HK2: variants seen among roughly 807,000 people sequenced by gnomAD.
The protein encoded by HK2 is hexokinase 2, also known as hexokinase-2.
HK2 carries 42 observed loss-of-function variants against 92.9 expected under a neutral mutation model. The observed-to-expected ratio is 0.45, with a 90% CI of 0.35 to 0.58. The LOEUF is 0.58. Ranked by LOEUF, HK2 falls within the 20% of genes least tolerant of loss-of-function variation. HK2 has a pLI of 0.00. For synonymous variants in HK2, 422 were observed against 468.0 expected (o/e 0.90, Z 1.27); for missense variants, 978 against 1,245.1 (o/e 0.79, Z 3.23).
intron 1 of HK2, among the ~76,000 whole-genome samples, chr2:74,838,035 G>C (rs1368164128): frequency 1.3e-5 from 2 of 152,040 alleles, no homozygotes; most frequent in African/African-American, 4.8e-5. Context: ...ACCCCTTCCA[G>C]CTCAAATGCA....
chr2:74,876,333 G>T (rs185549517), intron 7 of HK2, among the ~76,000 whole-genome samples: 83 of 152,314 alleles, frequency 5.4e-4, no homozygotes, highest in South Asian at 1.9e-3. Flanking sequence ...GCAGGCCCAT[G>T]TGCCTCCTCT....
Position 74,834,671 on chromosome 2 carries a change from C to T in HK2, c.63+28C>T, listed in dbSNP as rs1344163449. 5 of 1,611,652 alleles carry T rather than the reference C, an allele frequency of 3.1e-6. No individual in the cohort carries two copies. The Admixed American group carries it at 6.7e-5, about 21-fold the overall frequency. On this transcript the variant is annotated intron_variant, in intron 1 of 17. Coordinates refer to ENST00000290573, the MANE Select transcript of HK2 (RefSeq NM_000189.5). The surrounding 1 kb of genome is among the most constrained non-coding windows in gnomAD (Gnocchi z 4.2). ...AAGTCAGCGCGGGCGGGGCGGCAGGCTGGGCTCTGGCAAAGTGGTCTGGCC... is the reference window on the plus strand; with the variant it reads ...AAGTCAGCGCGGGCGGGGCGGCAGGTTGGGCTCTGGCAAAGTGGTCTGGCC...
Position 74,873,839 on chromosome 2 carries a change from C to T in HK2, c.592-5C>T, listed in dbSNP as rs1689159614. 3 of 1,611,668 alleles carry T rather than the reference C, an allele frequency of 1.9e-6. No individual in the cohort carries two copies. Among genetic ancestry groups the T allele is most frequent in the African/African-American group, 2.7e-5 (2 of 74,818 alleles). On this transcript the variant is annotated splice_region_variant and splice_polypyrimidine_tract_variant and intron_variant, in intron 5 of 17. Coordinates refer to ENST00000290573, the MANE Select transcript of HK2 (RefSeq NM_000189.5). Reference sequence around the variant, plus strand: ...AGGTCAGAGCCCTCCCATTTGTCTCCACAGGACTTTGATATCGACATTGTG... The same window carrying T: ...AGGTCAGAGCCCTCCCATTTGTCTCTACAGGACTTTGATATCGACATTGTG...
At chr2:74,874,104 G>A (rs1689165755) in intron 6 of HK2, among the ~76,000 whole-genome samples, 161 bp downstream of exon 6, 1 of 152,170 alleles carries the variant, frequency 6.6e-6, no homozygotes, top group South Asian at 2.1e-4. Flanking sequence ...CATGGAGTTG[G>A]GGGTGGCAGA....
At chr2:74,873,483 T>A in intron 5 of HK2, 112 bp downstream of exon 5, 1 of 730,994 alleles carries the variant, frequency 1.4e-6, no homozygotes, top group Non-Finnish European at 2.4e-6. Context: ...TTAAGGAGAG[T>A]TCTCTTTTCC....
At chr2:74,881,132 G>T (rs969504599) in intron 10 of HK2, among the ~76,000 whole-genome samples, 1 of 152,230 alleles carries the variant, frequency 6.6e-6, no homozygotes, top group Non-Finnish European at 1.5e-5. Context: ...CACTGTCTTG[G>T]CAAAGTTGAG....
chr2:74,861,716 A>AT (rs1688832085), intron 2 of HK2, among the ~76,000 whole-genome samples: 2 of 152,278 alleles, frequency 1.3e-5, no homozygotes, highest in South Asian at 4.1e-4. Context: ...AAATCAGATG[A>AT]TTATCTTTTT....
At chr2:74,853,871 G>T (rs752657302) in intron 1 of HK2, among the ~76,000 whole-genome samples, 1 of 152,124 alleles carries the variant, frequency 6.6e-6, no homozygotes, top group Non-Finnish European at 1.5e-5. Context: ...GATTGTAGGC[G>T]TCCGGGAAAA....
At position 74,855,364 on chromosome 2, in the gene HK2, T is replaced by C. The variant is rs543686674; in HGVS notation, c.226+909T>C. On this transcript the variant is annotated intron_variant, in intron 2 of 17. Transcript: ENST00000290573. ...TATTAAGCTTTGTTTAATCATCTTA[T>C]TTGGATACAGAGTACTTTTTTTTGA... Among the ~76,000 whole-genome samples the C allele has an allele frequency of 2.0e-5, 3 of 152,330 alleles. No individual in the cohort carries two copies. In the South Asian group the frequency reaches 6.2e-4, roughly 32 times the overall value.
chr2:74,879,542 T>C lies in HK2; in HGVS notation c.1265+621T>C, dbSNP rs28363031. ...TCTTCCTACCCAGTGTTGCAAAAAC[T>C]CGAGTGTGCACGTGAATCACATGGG... On this transcript the variant is annotated intron_variant, in intron 9 of 17. Coordinates refer to ENST00000290573, the MANE Select transcript of HK2 (RefSeq NM_000189.5). 9.7e-3 allele frequency among the ~76,000 whole-genome samples: 1,473 copies of C among 152,306 alleles called. 18 individuals carry two copies. The highest frequency in any genetic ancestry group is 0.033 in the African/African-American group (1,389 of 41,574).
chr2:74,886,080 G>A (rs1338925820), intron 13 of HK2, among the ~76,000 whole-genome samples: 1 of 152,056 alleles, frequency 6.6e-6, no homozygotes, highest in Non-Finnish European at 1.5e-5. Flanking sequence ...AGAGCAGATG[G>A]AGCAAGTGTG....
At chr2:74,845,360 G>T (rs1322989014) in intron 1 of HK2, among the ~76,000 whole-genome samples, 1 of 152,192 alleles carries the variant, frequency 6.6e-6, no homozygotes. Context: ...CTGTGCCAGG[G>T]TCACATGCAT....
chr2:74,835,225 C>G, intron 1 of HK2: 1 of 172,418 alleles, frequency 5.8e-6, no homozygotes, highest in South Asian at 1.3e-4. Flanking sequence ...GCCCCCTCCC[C>G]GGAACTGTGG....
chr2:74,860,206 G>A (rs57436487), intron 2 of HK2, among the ~76,000 whole-genome samples: 25,544 of 149,430 alleles, frequency 0.17, 2,791 homozygotes, highest in East Asian at 0.32. Flanking sequence ...GTAGGAGGGT[G>A]GGGGGTGGTG....
rs879517091 is a variant in HK2, at chr2:74,892,735, A to G, written c.*1794A>G. The G allele has an allele frequency of 2.0e-5, 3 of 152,228 alleles. No individual in the cohort carries two copies. The highest frequency in any genetic ancestry group is 4.4e-5 in the Non-Finnish European group (3 of 68,040). 9.4% of individuals were successfully genotyped at this position (152,228 alleles called of 1,614,324 possible). A position where few individuals can be genotyped will look rare whatever the true frequency, so the allele number is the denominator to read the frequency against. Reference sequence around the variant, plus strand: ...CTTGTGCTGAGAATAGTGTCTGATTATACGACTTTTAAGCAAAGTTGGGTG... The same window carrying G: ...CTTGTGCTGAGAATAGTGTCTGATTGTACGACTTTTAAGCAAAGTTGGGTG... On this transcript the variant is annotated 3_prime_UTR_variant, in exon 18 of 18. Coordinates refer to ENST00000290573, the MANE Select transcript of HK2 (RefSeq NM_000189.5).
intron 4 of HK2, 88 bp from the exon 5 acceptor site, chr2:74,873,188 G>A: frequency 1.0e-6 from 1 of 957,302 alleles, no homozygotes; most frequent in South Asian, 1.3e-5. Context: ...AGTGGCAGAG[G>A]TCTCTGCTAA....
chr2:74,867,174 G>A (rs150939384), intron 2 of HK2, among the ~76,000 whole-genome samples: 2,726 of 151,768 alleles, frequency 0.018, 105 homozygotes, highest in African/African-American at 0.064. Flanking sequence ...ATGTATATGC[G>A]ACAGAATACT....
chr2:74,853,688 T>C (rs2123615), intron 1 of HK2, among the ~76,000 whole-genome samples: 26,093 of 149,238 alleles, frequency 0.17, 2,864 homozygotes, highest in East Asian at 0.33. Flanking sequence ...ACTGGAGCGA[T>C]ACCCTGTCAA....
chr2:74,874,351 G>T lies in HK2; in HGVS notation c.777G>T (p.Met259Ile), dbSNP rs1235693927. The T allele has an allele frequency of 6.2e-7, 1 of 1,614,182 alleles. No homozygotes were observed. Among genetic ancestry groups the T allele is most frequent in the Admixed American group, 1.7e-5 (1 of 60,020 alleles). Reference sequence around the variant, plus strand: ...ATGAGGGGCGGATGTGTATCAATATGGAGTGGGGGGCCTTCGGGGACGATG... The same window carrying T: ...ATGAGGGGCGGATGTGTATCAATATTGAGTGGGGGGCCTTCGGGGACGATG... ...EGDEGRMCIN[M>I]EWGAFGDDGS... is the part of the protein sequence containing the mutation. Residue 259 changes from methionine to isoleucine, a missense_variant, in exon 7 of 18, where the codon ATG becomes ATT. Physicochemically the swap from Met to Ile is conservative, Grantham distance 10. Around this residue, in one of 3 missense-constraint regions of HK2, gnomAD observed 742 missense variants for 922.5 expected, o/e 0.80. Transcript: ENST00000290573.
Sources: allele counts gnomAD v4.1 joint callset (sites outside exome capture counted in the v4.1 genomes callset), GRCh38; gene constraint gnomAD v4.1.1; regional missense constraint gnomAD v4.1.1; non-coding constraint Gnocchi (gnomAD v3.1); transcripts MANE v1.5; gene names NCBI Gene and HGNC (gene_info 2026-07-23, HGNC 2026-07-21).